BTBD10: variants seen among roughly 807,000 people sequenced by gnomAD.
The protein encoded by BTBD10 is BTB/POZ domain-containing protein 10.
A neutral mutation model predicts 53.2 loss-of-function variants in BTBD10; 21 were observed. That is an observed-to-expected ratio of 0.39 (90% confidence interval 0.28 to 0.57). The LOEUF (loss-of-function observed/expected upper bound fraction) is 0.57, where lower values mean the gene tolerates loss of function less well. Ranked by LOEUF, BTBD10 falls within the 20% of genes least tolerant of loss-of-function variation. The probability of loss-of-function intolerance (pLI) is 0.53; values close to 1 mark genes in which losing one functional copy is unlikely to be tolerated. For missense variants in BTBD10, 360 were observed against 594.7 expected, an observed-to-expected ratio of 0.61 and a Z score of 4.10; for synonymous variants, 149 against 192.7, an observed-to-expected ratio of 0.77 and a Z score of 1.88.
At chr11:13,407,636 C>T (rs1403373717) in intron 6 of BTBD10, among the ~76,000 whole-genome samples, 1 of 152,190 alleles carries the variant, frequency 6.6e-6, no homozygotes, top group African/African-American at 2.4e-5. Flanking sequence ...TCTTTTGGCA[C>T]AAAGATAGCT....
chr11:13,449,070 A>T (rs971988311), intron 1 of BTBD10, among the ~76,000 whole-genome samples: 2 of 152,166 alleles, frequency 1.3e-5, no homozygotes, highest in African/African-American at 4.8e-5. Context: ...TGAGAAAAAG[A>T]TGATGCAATT....
chr11:13,409,571 G>A (rs1054650638), intron 6 of BTBD10, among the ~76,000 whole-genome samples: 1 of 151,540 alleles, frequency 6.6e-6, no homozygotes, highest in African/African-American at 2.4e-5. Context: ...CTTTTTTTGA[G>A]TACCCTAAAT....
intron 1 of BTBD10, among the ~76,000 whole-genome samples, chr11:13,456,157 T>G (rs1283681093): frequency 6.6e-6 from 1 of 152,162 alleles, no homozygotes; most frequent in African/African-American, 2.4e-5. Flanking sequence ...TTTAATAAAA[T>G]TAAAAATGTT....
intron 2 of BTBD10, among the ~76,000 whole-genome samples, chr11:13,430,594 T>C (rs1049820250): frequency 6.6e-6 from 1 of 152,194 alleles, no homozygotes; most frequent in African/African-American, 2.4e-5. Context: ...AGCAGCTTTA[T>C]TTGTAACAGC....
At chr11:13,416,440 T>C (rs1003416598) in intron 5 of BTBD10, among the ~76,000 whole-genome samples, 2 of 152,154 alleles carry the variant, frequency 1.3e-5, no homozygotes, top group Admixed American at 6.5e-5. Flanking sequence ...CTTTTAGATG[T>C]TTCTAAGTTT....
At chr11:13,457,432 C>T (rs1262957150) in intron 1 of BTBD10, among the ~76,000 whole-genome samples, 1 of 152,038 alleles carries the variant, frequency 6.6e-6, no homozygotes, top group African/African-American at 2.4e-5. Context: ...AATAGAATAA[C>T]GGATTAATAT....
chr11:13,453,548 T>A (rs899778687), intron 1 of BTBD10, among the ~76,000 whole-genome samples: 5 of 152,222 alleles, frequency 3.3e-5, no homozygotes, highest in African/African-American at 4.8e-5. Flanking sequence ...ATTTTCTTCC[T>A]TGTTTAATTT....
At chr11:13,437,301 C>G (rs1482382232) in intron 2 of BTBD10, among the ~76,000 whole-genome samples, 1 of 152,172 alleles carries the variant, frequency 6.6e-6, no homozygotes, top group Admixed American at 6.5e-5. Context: ...TTACTGCCAA[C>G]AGCCACCCTC....
chr11:13,412,582 C>T (rs1420269151), intron 6 of BTBD10, among the ~76,000 whole-genome samples: 1 of 152,208 alleles, frequency 6.6e-6, no homozygotes, highest in African/African-American at 2.4e-5. Flanking sequence ...ATACCTACTA[C>T]ATCTTTACTC....
intron 2 of BTBD10, among the ~76,000 whole-genome samples, chr11:13,422,577 G>A (rs989852300): frequency 6.6e-6 from 1 of 152,122 alleles, no homozygotes; most frequent in African/African-American, 2.4e-5. Context: ...GGGAGGCGAA[G>A]GTTGCGGTGA....
intron 2 of BTBD10, among the ~76,000 whole-genome samples, chr11:13,441,637 C>T (rs1950652731): frequency 6.6e-6 from 1 of 151,772 alleles, no homozygotes; most frequent in Admixed American, 6.6e-5. Flanking sequence ...TTTATCCTAG[C>T]CAGCAAGGAA....
intron 6 of BTBD10, among the ~76,000 whole-genome samples, chr11:13,410,693 A>G (rs538222276): frequency 1.3e-5 from 2 of 152,366 alleles, no homozygotes; most frequent in East Asian, 1.9e-4. Context: ...CTAAAAAATT[A>G]TTAGAAACAA....
intron 8 of BTBD10, among the ~76,000 whole-genome samples, chr11:13,398,366 C>G (rs893885724): frequency 6.6e-6 from 1 of 151,774 alleles, no homozygotes; most frequent in Non-Finnish European, 1.5e-5. Context: ...GATTGAAACC[C>G]CTGCCTTTTT....
chr11:13,409,616 C>G (rs1949898344), intron 6 of BTBD10, among the ~76,000 whole-genome samples: 2 of 152,182 alleles, frequency 1.3e-5, no homozygotes, highest in African/African-American at 4.8e-5. Context: ...CCTCTGCACA[C>G]ATCATTTCTA....
intron 1 of BTBD10, among the ~76,000 whole-genome samples, chr11:13,452,652 A>G (rs1194250827): frequency 6.6e-6 from 1 of 152,170 alleles, no homozygotes; most frequent in Non-Finnish European, 1.5e-5. Context: ...AAAACTGGTG[A>G]GTTTTCATTT....
chr11:13,397,764 A>C (rs1949594739), intron 8 of BTBD10, among the ~76,000 whole-genome samples: 1 of 152,220 alleles, frequency 6.6e-6, no homozygotes, highest in Non-Finnish European at 1.5e-5. Context: ...TTGGTTTCAA[A>C]GTACAGCTTT....
At chr11:13,447,708 G>C (rs1950776193) in intron 1 of BTBD10, among the ~76,000 whole-genome samples, 1 of 152,082 alleles carries the variant, frequency 6.6e-6, no homozygotes, top group Admixed American at 6.6e-5. Context: ...TTCAGATAAA[G>C]GTGCTCAAAA....
intron 1 of BTBD10, among the ~76,000 whole-genome samples, chr11:13,455,987 G>A (rs570349644): frequency 1.9e-4 from 29 of 152,032 alleles, no homozygotes; most frequent in Admixed American, 7.2e-4. Flanking sequence ...ACTGCTCAGC[G>A]CGACTTTCCA....
chr11:13,400,751 T>C (rs1949698276), intron 8 of BTBD10, among the ~76,000 whole-genome samples: 1 of 152,234 alleles, frequency 6.6e-6, no homozygotes, highest in African/African-American at 2.4e-5. Context: ...ACTAAGCCTT[T>C]AATCTAACTT....
Sources: allele counts gnomAD v4.1 joint callset (sites outside exome capture counted in the v4.1 genomes callset), GRCh38; gene constraint gnomAD v4.1.1; transcripts MANE v1.5; gene names NCBI Gene and HGNC (gene_info 2026-07-23, HGNC 2026-07-21).